The following GALNT18 variants were observed in gnomAD, a reference collection of about 807,000 sequenced individuals.
GALNT18 encodes the protein polypeptide N-acetylgalactosaminyltransferase 18, also known as GalNAc-transferase 18.
GALNT18 carries 44 observed loss-of-function variants against 69.5 expected under a neutral mutation model. That is an observed-to-expected ratio of 0.63 (90% CI 0.50 to 0.81). The LOEUF (loss-of-function observed/expected upper bound fraction) is 0.81. GALNT18 is among the 40% of genes least tolerant of loss of function. GALNT18 has a pLI of 0.00. For missense variants in GALNT18, 715 were observed against 810.0 expected, an observed-to-expected ratio of 0.88 and a Z score of 1.42; for synonymous variants, 364 against 318.2, an observed-to-expected ratio of 1.14 and a Z score of -1.53.
chr11:11,339,625 C>G lies in GALNT18; in HGVS notation c.1278+1194G>C, dbSNP rs1348550726. Among the ~76,000 whole-genome samples, 1 of 152,186 alleles carries G rather than the reference C, an allele frequency of 6.6e-6. No individual in the cohort carries two copies. Among genetic ancestry groups the G allele is most frequent in the Non-Finnish European group, 1.5e-5 (1 of 68,030 alleles). ...AGAAGGTAATGCAGTTCCCCAGAAA[C>G]ACTCTTACTGTCAGGAATGCAATCC... On this transcript the variant is annotated intron_variant, in intron 7 of 10. Coordinates refer to ENST00000227756, the MANE Select transcript of GALNT18 (RefSeq NM_198516.3). This position sits in a 1 kb window ranked among gnomAD's most constrained non-coding sequence, Gnocchi z 5.2.
In GALNT18 at chr11:11,618,783, T is replaced by G. The variant is rs1352671649; in HGVS notation, c.235+2576A>C. On this transcript the variant is annotated intron_variant, in intron 1 of 10. Transcript: ENST00000227756. The surrounding 1 kb of genome is among the most constrained non-coding windows in gnomAD (Gnocchi z 6.1). ...TAAATAAGTCAATATATGTAAAGTG[T>G]TTAGAATAGGGCCTGACATATCCTA... Among the ~76,000 whole-genome samples the G allele has an allele frequency of 1.3e-5, 2 of 152,192 alleles. No individual in the cohort carries two copies. Among genetic ancestry groups the G allele is most frequent in the Non-Finnish European group, 2.9e-5 (2 of 68,042 alleles).
chr11:11,353,033 A>G, intron 6 of GALNT18: 2 of 1,614,112 alleles, frequency 1.2e-6, no homozygotes, highest in Non-Finnish European at 1.7e-6. Context: ...ATTCCACCAC[A>G]TGTGACTCGT....
chr11:11,431,940 TG>T (rs1284445740), intron 3 of GALNT18, among the ~76,000 whole-genome samples: 7 of 152,134 alleles, frequency 4.6e-5, no homozygotes, highest in East Asian at 1.9e-4. Flanking sequence ...TGATGGCATA[TG>T]GGGGGGCAAA....
chr11:11,549,650 T>C (rs930653699), intron 1 of GALNT18, among the ~76,000 whole-genome samples: 17 of 152,226 alleles, frequency 1.1e-4, no homozygotes, highest in African/African-American at 4.1e-4. Flanking sequence ...TACAGCTCTT[T>C]CCCATTATCC....
intron 9 of GALNT18, among the ~76,000 whole-genome samples, chr11:11,305,556 G>A (rs1279175946): frequency 6.6e-6 from 1 of 152,138 alleles, no homozygotes; most frequent in Admixed American, 6.5e-5. Context: ...AAACTGCCTC[G>A]ACTCAAGTCT....
At chr11:11,449,762 C>A (rs769666951) in intron 1 of GALNT18, among the ~76,000 whole-genome samples, 11 of 152,240 alleles carry the variant, frequency 7.2e-5, no homozygotes, top group Admixed American at 2.0e-4. Flanking sequence ...ATAGCACAGT[C>A]AACCTCCCAA....
chr11:11,403,542 C>T (rs1023287714), intron 3 of GALNT18, among the ~76,000 whole-genome samples: 1 of 152,206 alleles, frequency 6.6e-6, no homozygotes, highest in Non-Finnish European at 1.5e-5. Flanking sequence ...ATGTGTCATT[C>T]TTTGTCTCTG....
intron 1 of GALNT18, among the ~76,000 whole-genome samples, chr11:11,451,599 T>G (rs1357095723): frequency 1.3e-5 from 2 of 152,164 alleles, no homozygotes; most frequent in Non-Finnish European, 2.9e-5. Context: ...AGTCAAGCAC[T>G]GCGATAGGTC....
intron 1 of GALNT18, among the ~76,000 whole-genome samples, chr11:11,458,232 T>C (rs1375473030): frequency 6.6e-6 from 1 of 152,244 alleles, no homozygotes; most frequent in Non-Finnish European, 1.5e-5. Context: ...TTGGGAAAGA[T>C]GAAAGCTAAG....
intron 1 of GALNT18, among the ~76,000 whole-genome samples, chr11:11,517,151 C>T (rs923338177): frequency 6.6e-6 from 1 of 152,218 alleles, no homozygotes; most frequent in African/African-American, 2.4e-5. Context: ...TCTTGGACTT[C>T]CAGCCTCCAG....
rs1030505269 is a variant in GALNT18 at position 11,614,640 on chromosome 11, G to C, written c.235+6719C>G. 6.6e-6 allele frequency among the ~76,000 whole-genome samples: 1 copy of C among 152,172 alleles called. No homozygotes were observed. Among genetic ancestry groups the C allele is most frequent in the Admixed American group, 6.5e-5 (1 of 15,272 alleles). ...AGAAATCCTATACGATGGTAATGAA[G>C]ACGCTCCAGTAACCCTGTTTGTGAC... On this transcript the variant is annotated intron_variant, in intron 1 of 10. Transcript: ENST00000227756. The surrounding 1 kb of genome is among the most constrained non-coding windows in gnomAD (Gnocchi z 5.6).
chr11:11,278,921 C>G (rs1849006635), intron 10 of GALNT18, among the ~76,000 whole-genome samples: 1 of 152,188 alleles, frequency 6.6e-6, no homozygotes, highest in Non-Finnish European at 1.5e-5. Context: ...CTGATTTGAT[C>G]ATTACACATT....
At chr11:11,346,681 G>A (rs750758337) in intron 6 of GALNT18, among the ~76,000 whole-genome samples, 2 of 152,118 alleles carry the variant, frequency 1.3e-5, no homozygotes, top group Non-Finnish European at 2.9e-5. Context: ...AGGAGCTGCT[G>A]GGACCACCTC....
chr11:11,280,579 C>T (rs566612220), intron 10 of GALNT18, among the ~76,000 whole-genome samples: 3 of 152,312 alleles, frequency 2.0e-5, no homozygotes, highest in South Asian at 2.1e-4. Flanking sequence ...GTGAGGCCTG[C>T]GTCTCCCAGT....
At chr11:11,397,610 C>T (rs1453697380) in intron 3 of GALNT18, among the ~76,000 whole-genome samples, 2 of 152,084 alleles carry the variant, frequency 1.3e-5, no homozygotes, top group Admixed American at 6.5e-5. Flanking sequence ...ACTACAGCCG[C>T]CCACCTGCCA....
intron 3 of GALNT18, among the ~76,000 whole-genome samples, chr11:11,391,427 G>A (rs1854188359): frequency 1.3e-5 from 2 of 152,214 alleles, no homozygotes; most frequent in Non-Finnish European, 2.9e-5. Flanking sequence ...TCAGCACTTT[G>A]GCTCCAAATT....
intron 1 of GALNT18, among the ~76,000 whole-genome samples, chr11:11,479,530 G>A (rs1856477094): frequency 6.6e-6 from 1 of 152,086 alleles, no homozygotes; most frequent in African/African-American, 2.4e-5. Context: ...CCCAGATCTG[G>A]GAAGATGACT....
chr11:11,476,954 G>A (rs915733040), intron 1 of GALNT18, among the ~76,000 whole-genome samples: 3 of 152,354 alleles, frequency 2.0e-5, no homozygotes, highest in African/African-American at 7.2e-5. Context: ...TGAAGATTAA[G>A]AGGGTCTATG....
intron 3 of GALNT18, among the ~76,000 whole-genome samples, chr11:11,384,334 T>C (rs1164393080): frequency 1.3e-5 from 2 of 152,126 alleles, no homozygotes; most frequent in African/African-American, 4.8e-5. Context: ...AGAAATTTAT[T>C]TCTTCACAGT....
Sources: gnomAD v4.1 joint callset for allele counts (sites outside exome capture counted in the v4.1 genomes callset) on GRCh38, gnomAD v4.1.1 for gene constraint, Gnocchi (gnomAD v3.1) non-coding constraint, MANE v1.5 for transcripts, NCBI Gene and HGNC (gene_info 2026-07-23, HGNC 2026-07-21) for gene names.